Variants in MTAP observed in about 807,000 individuals in gnomAD.
MTAP encodes the protein S-methyl-5'-thioadenosine phosphorylase.
A neutral mutation model predicts 33.6 loss-of-function variants in MTAP; 33 were observed. The observed-to-expected ratio is 0.98, with a 90% CI of 0.74 to 1.31. The LOEUF is 1.31. Ranked by LOEUF, MTAP falls within the 40% of genes most tolerant of loss-of-function variation. The pLI, the probability that MTAP is intolerant of heterozygous loss-of-function variation, is 0.00. For missense variants in MTAP, 367 were observed against 360.0 expected, an observed-to-expected ratio of 1.02 and a Z score of -0.16; for synonymous variants, 148 against 125.7, an observed-to-expected ratio of 1.18 and a Z score of -1.19.
At chr9:21,867,725 C>G (rs1825876758), downstream of MTAP, among the ~76,000 whole-genome samples, 1 of 151,612 alleles carries the variant, frequency 6.6e-6, no homozygotes, top group Admixed American at 6.6e-5. Flanking sequence ...ATGACGACAG[C>G]CTGAGTTGTT....
chr9:21,872,919 TTCATGCCTGGTAAGGA>T (rs1234301318), intron 1 of MTAP, among the ~76,000 whole-genome samples: 1 of 152,172 alleles, frequency 6.6e-6, no homozygotes, highest in Non-Finnish European at 1.5e-5. Flanking sequence ...TCTCTAACAG[TTCATGCCTGGTAAGGA>T]TCATGGTGTC....
At chr9:21,826,891 G>A (rs1409789596) in intron 4 of MTAP, among the ~76,000 whole-genome samples, 1 of 152,034 alleles carries the variant, frequency 6.6e-6, no homozygotes, top group Non-Finnish European at 1.5e-5. Context: ...TGTCAGATCA[G>A]CAGCAGCATT....
rs532527183 is a variant in MTAP at position 21,866,351 on chromosome 9, G to T, written c.*4337G>T. On this transcript the variant is annotated 3_prime_UTR_variant, in exon 8 of 8. Coordinates refer to ENST00000644715, the MANE Select transcript of MTAP (RefSeq NM_002451.4). ...CTTGCCTTTTCATTTTCTTAATTAT[G>T]TCTTTCAAAGAACAAGTTTTTCATT... 1.3e-5 allele frequency: 2 copies of T among 152,086 alleles called. No homozygotes were observed. Among genetic ancestry groups the T allele is most frequent in the African/African-American group, 4.8e-5 (2 of 41,498 alleles). 9.4% of individuals were successfully genotyped at this position (152,086 alleles called of 1,614,324 possible).
chr9:21,893,012 T>C (rs1818225918), intron 1 of MTAP: 1 of 152,212 alleles, frequency 6.6e-6, no homozygotes, highest in South Asian at 2.1e-4. Flanking sequence ...AACAACCTTC[T>C]CCTTAATGGC....
chr9:21,814,335 A>G (rs1300799367), intron 1 of MTAP, among the ~76,000 whole-genome samples: 1 of 152,084 alleles, frequency 6.6e-6, no homozygotes, highest in Non-Finnish European at 1.5e-5. Context: ...CTGAATTCTT[A>G]ATCCTGGAAT....
chr9:21,937,889 T>C (rs142639066), downstream of MTAP, among the ~76,000 whole-genome samples: 5 of 152,234 alleles, frequency 3.3e-5, no homozygotes, highest in African/African-American at 9.6e-5. Context: ...CCTGTAATTC[T>C]AGCACTTTGG....
chr9:21,916,849 C>G (rs1300017073), intron 1 of MTAP, among the ~76,000 whole-genome samples: 1 of 152,134 alleles, frequency 6.6e-6, no homozygotes, highest in Non-Finnish European at 1.5e-5. Flanking sequence ...AAAAAAAAAT[C>G]TGTTGCTAAA....
intron 1 of MTAP, among the ~76,000 whole-genome samples, chr9:21,885,675 TTC>T (rs1818096709): frequency 6.6e-6 from 1 of 152,178 alleles, no homozygotes. Context: ...ATGTTTGGTT[TTC>T]TGTTCCTTAG....
intron 1 of MTAP, chr9:21,929,938 C>A: frequency 2.4e-6 from 1 of 424,548 alleles, no homozygotes. Flanking sequence ...ATGGAACATA[C>A]ACCGAAAACC....
chr9:21,838,121 G>C, intron 5 of MTAP, 111 bp downstream of exon 5: 2 of 794,500 alleles, frequency 2.5e-6, no homozygotes, highest in Non-Finnish European at 4.2e-6. Context: ...ACTCAAGTTT[G>C]CTTTGTATTA....
chr9:21,822,021 T>G (rs1209491845), intron 4 of MTAP, among the ~76,000 whole-genome samples: 2 of 152,154 alleles, frequency 1.3e-5, no homozygotes, highest in Non-Finnish European at 1.5e-5. Flanking sequence ...CTTCTCTCTT[T>G]TCTTCTTTAT....
At chr9:21,887,670 C>G (rs1181742486) in intron 1 of MTAP, among the ~76,000 whole-genome samples, 2 of 152,152 alleles carry the variant, frequency 1.3e-5, no homozygotes, top group African/African-American at 4.8e-5. Flanking sequence ...AGTTCTAGAT[C>G]CCTGAAGAAT....
At chr9:21,818,314 T>G in intron 4 of MTAP, 112 bp downstream of exon 4, 1 of 495,042 alleles carries the variant, frequency 2.0e-6, no homozygotes, top group Non-Finnish European at 3.2e-6. Context: ...ACAGACTCGC[T>G]TGCTTTTTTT....
chr9:21,906,752 T>C (rs1818484665), intron 1 of MTAP, among the ~76,000 whole-genome samples: 1 of 152,214 alleles, frequency 6.6e-6, no homozygotes, highest in African/African-American at 2.4e-5. Context: ...TGATTATCTA[T>C]AAAAGAACAT....
chr9:21,926,552 G>T (rs1282585341), intron 1 of MTAP, among the ~76,000 whole-genome samples: 1 of 152,160 alleles, frequency 6.6e-6, no homozygotes, highest in Non-Finnish European at 1.5e-5. Context: ...ATTTGCACTT[G>T]AATTGGGGAA....
intron 1 of MTAP, among the ~76,000 whole-genome samples, chr9:21,924,727 TC>T (rs150633332): frequency 0.031 from 4,740 of 152,300 alleles, 118 homozygotes; most frequent in Non-Finnish European, 0.047. Context: ...CCTGGAGCCT[TC>T]CCTTCCCTAC....
chr9:21,828,352 C>G lies in MTAP; in HGVS notation c.348-9556C>G, dbSNP rs747303141. ...GGGTCCACTAGTTGACACTACTTTA[C>G]AACAACAGGAGGAAAGAATCTGTTA... On this transcript the variant is annotated intron_variant, in intron 4 of 7. Coordinates refer to ENST00000644715, the MANE Select transcript of MTAP (RefSeq NM_002451.4). 2.0e-5 allele frequency among the ~76,000 whole-genome samples: 3 copies of G among 152,096 alleles called. No individual in the cohort carries two copies. The South Asian group carries it at 6.2e-4, about 32-fold the overall frequency.
In MTAP at chr9:21,816,761, C is replaced by A; in HGVS notation, c.168C>A (p.Val56=). The change falls in exon 3 of 8, where the codon GTC becomes GTA. Residue 56 remains valine, a synonymous_variant. Coordinates refer to ENST00000644715, the MANE Select transcript of MTAP (RefSeq NM_002451.4). ...GGAAGATAAAAAATGTTGATTGCGTCCTCCTTGCAAGGTATGGTATTTTAA... is the reference window on the plus strand; with the variant it reads ...GGAAGATAAAAAATGTTGATTGCGTACTCCTTGCAAGGTATGGTATTTTAA... ...ILGKIKNVDC[V]LLARHGRQHT... is the part of the protein sequence containing the mutation. 6.2e-7 allele frequency: 1 copy of A among 1,610,970 alleles called. No individual in the cohort carries two copies.
At position 21,901,760 on chromosome 9, in the gene MTAP, C is replaced by T. The variant is rs77029060; in HGVS notation, c.148-29248C>T. 8.4e-3 allele frequency among the ~76,000 whole-genome samples: 1,277 copies of T among 152,240 alleles called. 7 individuals carry two copies. Among genetic ancestry groups the T allele is most frequent in the African/African-American group, 0.029 (1,219 of 41,524 alleles). On this transcript the variant is annotated intron_variant, in intron 1 of 1. Transcript: ENST00000577563. ...AGGAACCCACATGGGCCTGGAGAAG[C>T]TTGTGACATTTTCTCATAGGCTATT... is the stretch of plus-strand genomic sequence containing the variant.
Sources: gnomAD v4.1 joint callset for allele counts (sites outside exome capture counted in the v4.1 genomes callset) on GRCh38, gnomAD v4.1.1 for gene constraint, MANE v1.5 for transcripts, NCBI Gene and HGNC (gene_info 2026-07-23, HGNC 2026-07-21) for gene names.